Variants in CWF19L2 observed in about 807,000 individuals in gnomAD.
The protein encoded by CWF19L2 is CWF19 like cell cycle control factor 2.
A neutral mutation model predicts 111.7 loss-of-function variants in CWF19L2; 98 were observed. The ratio of observed to expected loss-of-function variants is 0.88; its 90% confidence interval spans 0.75 to 1.04. The LOEUF is 1.04. Ranked by LOEUF, CWF19L2 falls within the 50% of genes least tolerant of loss-of-function variation. The probability of loss-of-function intolerance (pLI) is 0.00; values close to 1 mark genes in which losing one functional copy is unlikely to be tolerated. For synonymous variants in CWF19L2, 351 were observed against 342.9 expected, an observed-to-expected ratio of 1.02 and a Z score of -0.26; for missense variants, 1,101 against 1,051.4, an observed-to-expected ratio of 1.05 and a Z score of -0.65.
chr11:107,373,182 C>T (rs1860540547), intron 12 of CWF19L2, among the ~76,000 whole-genome samples: 3 of 128,402 alleles, frequency 2.3e-5, no homozygotes, highest in Admixed American at 7.6e-5. Flanking sequence ...AAGGCGGCAG[C>T]GAGGCTAGGG....
At chr11:107,337,951 A>G (rs2134526963) in intron 14 of CWF19L2, among the ~76,000 whole-genome samples, 1 of 152,296 alleles carries the variant, frequency 6.6e-6, no homozygotes, top group Non-Finnish European at 1.5e-5. Context: ...AACATCTTAT[A>G]AAACTATACT....
At chr11:107,331,508 G>A (rs1259261610) in intron 16 of CWF19L2, among the ~76,000 whole-genome samples, 3 of 152,146 alleles carry the variant, frequency 2.0e-5, no homozygotes, top group African/African-American at 7.2e-5. Context: ...GAAGGAAGGG[G>A]CCATAAGCCA....
At chr11:107,341,180 A>G (rs1006605582) in intron 14 of CWF19L2, among the ~76,000 whole-genome samples, 1 of 152,130 alleles carries the variant, frequency 6.6e-6, no homozygotes, top group Non-Finnish European at 1.5e-5. Context: ...TCTCTGTTCA[A>G]ACTGGACCCT....
intron 10 of CWF19L2, chr11:107,404,154 A>AT (rs1861046299): frequency 3.9e-6 from 3 of 775,844 alleles, no homozygotes; most frequent in Non-Finnish European, 7.2e-6. Context: ...CTTCTGCACG[A>AT]TTTTTTGCAT....
intron 17 of CWF19L2, among the ~76,000 whole-genome samples, chr11:107,329,705 G>T (rs10502086): frequency 0.074 from 11,245 of 152,136 alleles, 507 homozygotes; most frequent in South Asian, 0.15. Flanking sequence ...ACACCGTCAA[G>T]AAATGTTTGG....
At chr11:107,346,211 C>T (rs1310607648) in intron 14 of CWF19L2, among the ~76,000 whole-genome samples, 1 of 152,056 alleles carries the variant, frequency 6.6e-6, no homozygotes, top group Non-Finnish European at 1.5e-5. Flanking sequence ...GGAATATTAA[C>T]GCTATGATGT....
intron 10 of CWF19L2, among the ~76,000 whole-genome samples, chr11:107,410,070 T>C (rs1861135112): frequency 6.6e-6 from 1 of 152,150 alleles, no homozygotes; most frequent in South Asian, 2.1e-4. Context: ...CATAGATATG[T>C]GAATGAAGAG....
Position 107,413,003 on chromosome 11 carries a change from G to A in CWF19L2, c.1617+3206C>T, listed in dbSNP as rs565501006. On this transcript the variant is annotated intron_variant, in intron 10 of 17. Coordinates refer to ENST00000282251, the MANE Select transcript of CWF19L2 (RefSeq NM_152434.3). ...GAGGGATAAACAGGTGGAACACAGA[G>A]GATTTAGTACAGTGAAAATACTCTG... 4.6e-5 allele frequency among the ~76,000 whole-genome samples: 7 copies of A among 152,290 alleles called. No individual in the cohort carries two copies. In the East Asian group the frequency reaches 1.2e-3, roughly 25 times the overall value.
chr11:107,398,082 C>A (rs1860949632), intron 10 of CWF19L2, among the ~76,000 whole-genome samples: 1 of 152,154 alleles, frequency 6.6e-6, no homozygotes, highest in Admixed American at 6.5e-5. Context: ...TGAGAAGGAA[C>A]CAGAAAACCA....
At position 107,457,797 on chromosome 11, in the gene CWF19L2, G is replaced by A. The variant is rs2135435539; in HGVS notation, c.20C>T (p.Ala7Val). 1.3e-6 allele frequency: 2 copies of A among 1,551,596 alleles called. No individual in the cohort carries two copies. Among genetic ancestry groups the A allele is most frequent in the African/African-American group, 1.4e-5 (1 of 73,138 alleles). MATSMAAASGRFESAKS... is the reference protein window; with the variant it reads MATSMAVASGRFESAKS... ...CGCACTTTCAAATCTACCACTAGCA[G>A]CCGCCATACTTGTTGCCATCGTAAA... Residue 7 changes from alanine to valine, a missense_variant, in exon 1 of 18, where the codon GCT becomes GTT. By Grantham distance (64) the Ala-to-Val change is moderately conservative. Transcript: ENST00000282251.
At chr11:107,407,974 G>C (rs2135390917) in intron 10 of CWF19L2, among the ~76,000 whole-genome samples, 1 of 152,010 alleles carries the variant, frequency 6.6e-6, no homozygotes, top group Middle Eastern at 3.4e-3. Flanking sequence ...CCATGCTAAA[G>C]ATTATTTTTC....
intron 10 of CWF19L2, among the ~76,000 whole-genome samples, chr11:107,401,426 A>G (rs1290260176): frequency 2.0e-5 from 3 of 152,194 alleles, no homozygotes; most frequent in Admixed American, 6.5e-5. Flanking sequence ...ACCAACAGCG[A>G]ACAAGCAGAG....
chr11:107,429,694 G>C (rs1861436459), intron 7 of CWF19L2, among the ~76,000 whole-genome samples: 1 of 151,478 alleles, frequency 6.6e-6, no homozygotes, highest in Non-Finnish European at 1.5e-5. Context: ...CAAACACTCT[G>C]CACTAACACA....
chr11:107,429,326 A>G lies in CWF19L2; in HGVS notation c.906T>C (p.Ser302=). 6.2e-7 allele frequency: 1 copy of G among 1,609,362 alleles called. No individual in the cohort carries two copies. The highest frequency in any genetic ancestry group is 8.5e-7 in the Non-Finnish European group (1 of 1,177,336). Residue 302 remains serine (S), a synonymous_variant, in exon 8 of 18, where the codon AGT becomes AGC. Transcript: ENST00000282251. ...CATATTTTACTAAGTCTGATTCTCT[A>G]CTTTCTTGACAATTTTGTGCTTTAT... The part of the protein sequence containing the change: ...YSDKAQNCQE[S]RESDLVKYGN...
At chr11:107,435,887 G>A (rs183244458) in intron 6 of CWF19L2, among the ~76,000 whole-genome samples, 640 of 152,108 alleles carry the variant, frequency 4.2e-3, no homozygotes, top group Admixed American at 8.7e-3. Flanking sequence ...CAGGTGCAGC[G>A]GCTCACGCCT....
chr11:107,404,547 G>T, intron 10 of CWF19L2: 1 of 675,576 alleles, frequency 1.5e-6, no homozygotes, highest in Middle Eastern at 4.2e-4. Context: ...TGTGTTGCAG[G>T]AGCTGGGGTG....
At chr11:107,364,254 G>C (rs1413706186) in intron 12 of CWF19L2, among the ~76,000 whole-genome samples, 2 of 144,360 alleles carry the variant, frequency 1.4e-5, no homozygotes, top group Non-Finnish European at 3.0e-5. Context: ...GTCAACATTA[G>C]ACAGATCAAC....
intron 8 of CWF19L2, among the ~76,000 whole-genome samples, chr11:107,419,307 G>C (rs186207544): frequency 6.6e-6 from 1 of 152,238 alleles, no homozygotes; most frequent in Non-Finnish European, 1.5e-5. Context: ...TAAAACAAAA[G>C]TTAAAAGGAT....
At chr11:107,456,645 A>G (rs1463329124) in intron 1 of CWF19L2, among the ~76,000 whole-genome samples, 1 of 152,126 alleles carries the variant, frequency 6.6e-6, no homozygotes, top group Non-Finnish European at 1.5e-5. Flanking sequence ...AACAAGAACT[A>G]GAAGAGTTAA....
Sources: gnomAD v4.1 joint callset for allele counts (sites outside exome capture counted in the v4.1 genomes callset) on GRCh38, gnomAD v4.1.1 for gene constraint, MANE v1.5 for transcripts, NCBI Gene and HGNC (gene_info 2026-07-23, HGNC 2026-07-21) for gene names.